PIGU: variants seen among roughly 807,000 people sequenced by gnomAD.
PIGU encodes the protein GPI-anchor transamidase component PIGU.
Under a neutral mutation model 49.9 loss-of-function variants are expected in PIGU, and 24 were observed. The observed-to-expected ratio is 0.48, with a 90% CI of 0.35 to 0.68. PIGU has a LOEUF of 0.68. PIGU is among the 30% of genes least tolerant of loss of function. PIGU has a pLI of 0.01. For synonymous variants in PIGU, 220 were observed against 205.7 expected (o/e 1.07, Z -0.59); for missense variants, 490 against 532.6 (o/e 0.92, Z 0.79).
chr20:34,574,027 T>C (rs1442916480), intron 11 of PIGU, among the ~76,000 whole-genome samples: 3 of 152,260 alleles, frequency 2.0e-5, no homozygotes, highest in African/African-American at 7.2e-5. Flanking sequence ...ACTGGCATCA[T>C]TAGTCTTTCC....
At chr20:34,566,548 C>T (rs1204355662) in intron 11 of PIGU, among the ~76,000 whole-genome samples, 2 of 152,192 alleles carry the variant, frequency 1.3e-5, no homozygotes, top group African/African-American at 4.8e-5. Context: ...TAGTGCAGGG[C>T]AGGATGGAGA....
At chr20:34,562,644 C>T (rs1600579069) in intron 11 of PIGU, 1 of 1,098,376 alleles carries the variant, frequency 9.1e-7, no homozygotes, top group Non-Finnish European at 1.2e-6. Context: ...CCTAAGGCTA[C>T]ACCTGGAGCA....
intron 10 of PIGU, among the ~76,000 whole-genome samples, chr20:34,576,050 TG>T (rs1281958110): frequency 2.6e-5 from 4 of 152,104 alleles, no homozygotes; most frequent in Non-Finnish European, 5.9e-5. Context: ...ATCTGTAAAC[TG>T]AGGCTACACA....
chr20:34,603,745 C>G (rs946348901), intron 7 of PIGU, among the ~76,000 whole-genome samples: 1 of 151,988 alleles, frequency 6.6e-6, no homozygotes, highest in Non-Finnish European at 1.5e-5. Flanking sequence ...TAGCCATTTC[C>G]CTAAGAAACC....
At chr20:34,651,655 G>A (rs141930583) in intron 2 of PIGU, among the ~76,000 whole-genome samples, 144 of 152,168 alleles carry the variant, frequency 9.5e-4, no homozygotes, top group Middle Eastern at 3.4e-3. Flanking sequence ...TGGTTTTAGC[G>A]AGCCCATGCT....
At chr20:34,575,008 AC>A in intron 11 of PIGU, 95 bp downstream of exon 11, 12 of 1,503,622 alleles carry the variant, frequency 8.0e-6, no homozygotes, top group South Asian at 1.3e-5. Context: ...TCACGTCTGC[AC>A]CCCCCGGTAT....
chr20:34,589,674 T>TG, intron 7 of PIGU, among the ~76,000 whole-genome samples: 1 of 67,452 alleles, frequency 1.5e-5, no homozygotes, highest in Non-Finnish European at 3.0e-5. Context: ...TTTTTTTTTT[T>TG]GAAACAGAGT....
intron 6 of PIGU, among the ~76,000 whole-genome samples, chr20:34,625,366 CT>C (rs1985428435): frequency 7.8e-6 from 1 of 127,848 alleles, no homozygotes; most frequent in Middle Eastern, 4.1e-3. Flanking sequence ...AAAACTCCAT[CT>C]CAAAAAAAAA....
intron 7 of PIGU, among the ~76,000 whole-genome samples, chr20:34,608,640 A>G (rs1411931622): frequency 6.6e-6 from 1 of 152,180 alleles, no homozygotes; most frequent in Non-Finnish European, 1.5e-5. Flanking sequence ...ACTCAGAGAA[A>G]AAGATAATGT....
intron 10 of PIGU, among the ~76,000 whole-genome samples, chr20:34,576,912 G>A (rs1048298318): frequency 6.6e-6 from 1 of 152,120 alleles, no homozygotes; most frequent in Non-Finnish European, 1.5e-5. Flanking sequence ...CACCTGGATT[G>A]TCCAGGATAA....
intron 6 of PIGU, among the ~76,000 whole-genome samples, chr20:34,620,528 T>C (rs1172207161): frequency 6.6e-6 from 1 of 152,102 alleles, no homozygotes; most frequent in Non-Finnish European, 1.5e-5. Context: ...AGTTCCTGAC[T>C]TGGACAGGCG....
At chr20:34,646,328 T>C (rs1038633628) in intron 2 of PIGU, among the ~76,000 whole-genome samples, 1 of 152,220 alleles carries the variant, frequency 6.6e-6, no homozygotes, top group Non-Finnish European at 1.5e-5. Context: ...CTGACAAAAT[T>C]GTTCATAGTA....
At chr20:34,602,111 G>A (rs998617868) in intron 7 of PIGU, among the ~76,000 whole-genome samples, 79 of 152,220 alleles carry the variant, frequency 5.2e-4, no homozygotes, top group Admixed American at 6.5e-4. Flanking sequence ...GTGAAAACCC[G>A]TCTCCATTAA....
chr20:34,622,529 A>C (rs1001102099), intron 6 of PIGU, among the ~76,000 whole-genome samples: 84 of 151,394 alleles, frequency 5.5e-4, no homozygotes, highest in African/African-American at 2.0e-3. Flanking sequence ...AAAAAACAAA[A>C]ACAAAAAAAA....
intron 6 of PIGU, among the ~76,000 whole-genome samples, chr20:34,629,629 T>G (rs1026883551): frequency 6.6e-6 from 1 of 151,648 alleles, no homozygotes; most frequent in Non-Finnish European, 1.5e-5. Context: ...AAGTAAACAC[T>G]TGTTGTTGTT....
intron 7 of PIGU, among the ~76,000 whole-genome samples, chr20:34,595,988 G>A (rs921777720): frequency 6.6e-6 from 1 of 152,100 alleles, no homozygotes; most frequent in Non-Finnish European, 1.5e-5. Context: ...TGAGGCAAGA[G>A]GACTGCTTGA....
At chr20:34,671,992 GCACGATCTCGGCT>G (rs1987322344) in intron 1 of PIGU, among the ~76,000 whole-genome samples, 1 of 152,056 alleles carries the variant, frequency 6.6e-6, no homozygotes, top group Non-Finnish European at 1.5e-5. Flanking sequence ...GAATGCAGTG[GCACGATCTCGGCT>G]CACTGCACCC....
intron 10 of PIGU, among the ~76,000 whole-genome samples, chr20:34,579,601 T>C (rs1006938806): frequency 6.6e-6 from 1 of 152,064 alleles, no homozygotes. Flanking sequence ...CCCAAGCAGG[T>C]TCTCCAAGCA....
intron 6 of PIGU, among the ~76,000 whole-genome samples, chr20:34,626,615 A>G (rs1985504639): frequency 6.6e-6 from 1 of 152,106 alleles, no homozygotes; most frequent in Admixed American, 6.6e-5. Flanking sequence ...AAAAAACTCC[A>G]AACATTTTAA....
Sources: gnomAD v4.1 joint callset for allele counts (sites outside exome capture counted in the v4.1 genomes callset) on GRCh38, gnomAD v4.1.1 for gene constraint, MANE v1.5 for transcripts, NCBI Gene and HGNC (gene_info 2026-07-23, HGNC 2026-07-21) for gene names.